The following CDKAL1 variants were observed in gnomAD, a reference collection of about 807,000 sequenced individuals.
The protein encoded by CDKAL1 is CDKAL1 threonylcarbamoyladenosine tRNA methylthiotransferase.
Under a neutral mutation model 68.2 loss-of-function variants are expected in CDKAL1, and 32 were observed. The observed-to-expected ratio is 0.47, with a 90% CI of 0.35 to 0.63. The LOEUF is 0.63. CDKAL1 is among the 30% of genes least tolerant of loss of function. The pLI, the probability that CDKAL1 is intolerant of heterozygous loss-of-function variation, is 0.00. For synonymous variants in CDKAL1, 234 were observed against 244.3 expected, an observed-to-expected ratio of 0.96 and a Z score of 0.39; for missense variants, 606 against 696.7, an observed-to-expected ratio of 0.87 and a Z score of 1.47.
chr6:21,088,175 G>C (rs1295419654), intron 12 of CDKAL1, among the ~76,000 whole-genome samples: 1 of 152,130 alleles, frequency 6.6e-6, no homozygotes, highest in African/African-American at 2.4e-5. Flanking sequence ...CATCTGGCTA[G>C]TGACTATACT....
intron 4 of CDKAL1, among the ~76,000 whole-genome samples, chr6:20,573,587 A>G (rs74823354): frequency 0.023 from 3,507 of 152,256 alleles, 146 homozygotes; most frequent in African/African-American, 0.08. Flanking sequence ...GATTTCTTCT[A>G]TATTTGACAG....
chr6:21,027,949 A>T (rs1192994500), intron 11 of CDKAL1, among the ~76,000 whole-genome samples: 3 of 152,164 alleles, frequency 2.0e-5, no homozygotes, highest in Non-Finnish European at 1.5e-5. Flanking sequence ...TCTGAGGTGG[A>T]GCTCACTTGG....
At chr6:20,620,089 AG>A (rs1293235664) in intron 4 of CDKAL1, among the ~76,000 whole-genome samples, 2 of 152,206 alleles carry the variant, frequency 1.3e-5, no homozygotes, top group Non-Finnish European at 2.9e-5. Context: ...GTAGATTCTC[AG>A]TCCTATTATT....
intron 4 of CDKAL1, chr6:20,599,301 G>C (rs1470798503): frequency 4.5e-6 from 2 of 440,374 alleles, no homozygotes; most frequent in Non-Finnish European, 9.1e-6. Flanking sequence ...ATAATAACTT[G>C]TAAAGAATAA....
At chr6:20,898,752 CTT>C (rs1253401093) in intron 9 of CDKAL1, among the ~76,000 whole-genome samples, 4 of 151,964 alleles carry the variant, frequency 2.6e-5, no homozygotes, top group Non-Finnish European at 4.4e-5. Context: ...CATATATAAA[CTT>C]TTTTATTTTT....
chr6:21,216,102 T>C (rs1435119768), intron 15 of CDKAL1, among the ~76,000 whole-genome samples: 2 of 152,188 alleles, frequency 1.3e-5, no homozygotes, highest in South Asian at 2.1e-4. Context: ...GATTCTCCCC[T>C]ACAGCCCTAG....
At chr6:21,211,322 G>A (rs1376216095) in intron 15 of CDKAL1, among the ~76,000 whole-genome samples, 1 of 152,188 alleles carries the variant, frequency 6.6e-6, no homozygotes, top group Admixed American at 6.5e-5. Flanking sequence ...AAGTCAAATA[G>A]GATTTATACC....
chr6:21,092,304 T>C (rs1056543584), intron 12 of CDKAL1, among the ~76,000 whole-genome samples: 1 of 151,576 alleles, frequency 6.6e-6, no homozygotes, highest in African/African-American at 2.4e-5. Context: ...ACGTGCAGGT[T>C]TGTTACATAG....
intron 13 of CDKAL1, among the ~76,000 whole-genome samples, chr6:21,186,215 C>T (rs181827415): frequency 6.6e-6 from 1 of 152,146 alleles, no homozygotes; most frequent in East Asian, 1.9e-4. Flanking sequence ...TTGATTTCTG[C>T]TTAATCTTTT....
intron 4 of CDKAL1, among the ~76,000 whole-genome samples, chr6:20,637,744 C>G (rs1014475873): frequency 2.6e-5 from 4 of 152,310 alleles, no homozygotes; most frequent in Admixed American, 2.0e-4. Flanking sequence ...ACTCCCTTCT[C>G]CCAGCCCCAG....
chr6:20,590,642 A>T (rs1214034494), intron 4 of CDKAL1, among the ~76,000 whole-genome samples: 9 of 152,152 alleles, frequency 5.9e-5, no homozygotes, highest in Admixed American at 2.0e-4. Context: ...TTTGCTGAGA[A>T]TGATGGTTTC....
intron 9 of CDKAL1, among the ~76,000 whole-genome samples, chr6:20,904,732 C>T (rs959635673): frequency 2.0e-5 from 3 of 151,232 alleles, no homozygotes; most frequent in South Asian, 2.1e-4. Context: ...GAGGTTGCGG[C>T]GAGCCGAGAT....
intron 4 of CDKAL1, among the ~76,000 whole-genome samples, chr6:20,583,684 TAA>T (rs1010381537): frequency 3.3e-5 from 5 of 152,050 alleles, no homozygotes; most frequent in African/African-American, 1.2e-4. Flanking sequence ...ATGGAAATGC[TAA>T]GAGTCTTAGC....
intron 11 of CDKAL1, among the ~76,000 whole-genome samples, chr6:21,037,447 G>A (rs1769654534): frequency 6.6e-6 from 1 of 152,130 alleles, no homozygotes; most frequent in Non-Finnish European, 1.5e-5. Flanking sequence ...AATGAAGAAA[G>A]TACAATTCAA....
intron 8 of CDKAL1, among the ~76,000 whole-genome samples, chr6:20,794,472 A>G (rs1776029499): frequency 6.6e-6 from 1 of 152,098 alleles, no homozygotes; most frequent in African/African-American, 2.4e-5. Context: ...AAGAGATGGG[A>G]AAAAACCCTT....
chr6:20,805,496 T>A (rs1020609123), intron 8 of CDKAL1, among the ~76,000 whole-genome samples: 2 of 152,218 alleles, frequency 1.3e-5, no homozygotes, highest in Non-Finnish European at 2.9e-5. Flanking sequence ...TTTGAATATC[T>A]CACTTTTAAG....
chr6:21,209,910 T>C (rs1244524807), intron 15 of CDKAL1, among the ~76,000 whole-genome samples: 1 of 152,190 alleles, frequency 6.6e-6, no homozygotes, highest in East Asian at 1.9e-4. Flanking sequence ...CACTGCACTA[T>C]TTCCCCTTCA....
chr6:21,077,697 A>G (rs1231595720), intron 12 of CDKAL1, among the ~76,000 whole-genome samples: 1 of 152,214 alleles, frequency 6.6e-6, no homozygotes, highest in African/African-American at 2.4e-5. Flanking sequence ...GCAAGGGGGA[A>G]GTCTGCCCCC....
At chr6:21,016,612 T>TCATCCATC (rs3061573) in intron 11 of CDKAL1, among the ~76,000 whole-genome samples, 4,541 of 144,072 alleles carry the variant, frequency 0.032, 108 homozygotes, top group African/African-American at 0.049. Context: ...CGCCTTCCAT[T>TCATCCATC]CATCCATCCA....
Sources: allele counts gnomAD v4.1 joint callset (sites outside exome capture counted in the v4.1 genomes callset), GRCh38; gene constraint gnomAD v4.1.1; transcripts MANE v1.5; gene names NCBI Gene and HGNC (gene_info 2026-07-23, HGNC 2026-07-21).